RNF152: variants seen among roughly 807,000 people sequenced by gnomAD.
RNF152 encodes E3 ubiquitin-protein ligase RNF152.
A neutral mutation model predicts 12.7 loss-of-function variants in RNF152; 11 were observed. The ratio of observed to expected loss-of-function variants is 0.86; its 90% CI spans 0.54 to 1.43. The LOEUF is 1.43. Among genes scored for constraint, RNF152 ranks in the 40% most tolerant of loss-of-function variants. The probability of loss-of-function intolerance (pLI) is 0.00; values close to 1 mark genes in which losing one functional copy is unlikely to be tolerated. For synonymous variants in RNF152, 113 were observed against 120.3 expected (o/e 0.94, Z 0.40); for missense variants, 255 against 274.8 (o/e 0.93, Z 0.51).
intron 1 of RNF152, among the ~76,000 whole-genome samples, chr18:61,845,466 G>A (rs1178097800): frequency 6.6e-6 from 1 of 152,254 alleles, no homozygotes; most frequent in Non-Finnish European, 1.5e-5. Context: ...CCACCTGGGA[G>A]CTTTTGTGCT....
chr18:61,864,790 C>T (rs1020022911), intron 1 of RNF152, among the ~76,000 whole-genome samples: 6 of 152,272 alleles, frequency 3.9e-5, no homozygotes, highest in Non-Finnish European at 8.8e-5. Context: ...CTCACGCCTG[C>T]CGAGGCAGGT....
chr18:61,871,134 C>T (rs1448346609), intron 1 of RNF152, among the ~76,000 whole-genome samples: 1 of 151,992 alleles, frequency 6.6e-6, no homozygotes, highest in Non-Finnish European at 1.5e-5. Context: ...GTACATGTTA[C>T]CTTCACAAGG....
At chr18:61,836,372 C>T (rs1910184680) in intron 1 of RNF152, among the ~76,000 whole-genome samples, 1 of 152,052 alleles carries the variant, frequency 6.6e-6, no homozygotes, top group South Asian at 2.1e-4. Context: ...ATGTTGAAAC[C>T]CTAATCCCCA....
chr18:61,830,704 G>T (rs1389796978), intron 1 of RNF152, among the ~76,000 whole-genome samples: 1 of 152,178 alleles, frequency 6.6e-6, no homozygotes, highest in Non-Finnish European at 1.5e-5. Context: ...ATGAAGGTAG[G>T]GATGAAGGAG....
chr18:61,842,539 C>T (rs1599285976), intron 1 of RNF152, among the ~76,000 whole-genome samples: 1 of 152,206 alleles, frequency 6.6e-6, no homozygotes, highest in Non-Finnish European at 1.5e-5. Context: ...TCTCTGGCCT[C>T]TCTCTTCCTT....
intron 1 of RNF152, among the ~76,000 whole-genome samples, chr18:61,879,983 T>A (rs1912391420): frequency 6.6e-6 from 1 of 151,346 alleles, no homozygotes; most frequent in South Asian, 2.1e-4. Flanking sequence ...AAAAAAAAAT[T>A]TTTTTTGTGC....
chr18:61,821,655 C>T (rs1909416472), intron 1 of RNF152, among the ~76,000 whole-genome samples: 1 of 152,158 alleles, frequency 6.6e-6, no homozygotes, highest in African/African-American at 2.4e-5. Context: ...AACCCCCAGG[C>T]CACCAACCAG....
chr18:61,887,251 T>C (rs1401497337), intron 1 of RNF152, among the ~76,000 whole-genome samples: 1 of 152,172 alleles, frequency 6.6e-6, no homozygotes, highest in Non-Finnish European at 1.5e-5. Context: ...AAGGATTAAT[T>C]GGCCTAATGG....
At chr18:61,832,679 G>A (rs8093222) in intron 1 of RNF152, among the ~76,000 whole-genome samples, 42,146 of 151,958 alleles carry the variant, frequency 0.28, 6,419 homozygotes, top group Non-Finnish European at 0.35. Flanking sequence ...AAAACAGCCC[G>A]ATTTAACAGG....
intron 1 of RNF152, among the ~76,000 whole-genome samples, chr18:61,846,328 T>C (rs1910743609): frequency 2.0e-5 from 3 of 152,120 alleles, no homozygotes; most frequent in African/African-American, 7.2e-5. Flanking sequence ...AACTCAAAGG[T>C]ACAACAGTCT....
At chr18:61,829,307 G>A (rs1170851897) in intron 1 of RNF152, among the ~76,000 whole-genome samples, 1 of 152,026 alleles carries the variant, frequency 6.6e-6, no homozygotes, top group East Asian at 1.9e-4. Context: ...TGACTAATCA[G>A]CCCGGCCAGA....
chr18:61,831,799 T>A (rs1451323451), intron 1 of RNF152, among the ~76,000 whole-genome samples: 3 of 152,282 alleles, frequency 2.0e-5, no homozygotes, highest in East Asian at 1.9e-4. Flanking sequence ...AAAAGTGTCC[T>A]GTCAAATGGT....
intron 1 of RNF152, among the ~76,000 whole-genome samples, chr18:61,886,788 AG>A: frequency 6.6e-6 from 1 of 152,374 alleles, no homozygotes; most frequent in East Asian, 1.9e-4. Context: ...AGAAAGAAAA[AG>A]ACACTTCAAT....
chr18:61,865,720 T>C lies in RNF152; in HGVS notation c.-136+27075A>G, dbSNP rs182300857. On this transcript the variant is annotated intron_variant, in intron 1 of 1. Coordinates refer to ENST00000312828, the MANE Select transcript of RNF152 (RefSeq NM_173557.3). ...CCTCAGAAAAGAATTTTCTGAACAT[T>C]AGAGTTTAGACATAGAGCCCAATGG... 5.9e-4 allele frequency among the ~76,000 whole-genome samples: 90 copies of C among 152,298 alleles called. 1 individual carries two copies. The East Asian group carries it at 0.015, about 25-fold the overall frequency.
At position 61,814,404 on chromosome 18, in the gene RNF152, T is replaced by C. The variant is rs890754754; in HGVS notation, c.*1448A>G. 7.2e-5 allele frequency: 11 copies of C among 152,228 alleles called. No individual in the cohort carries two copies. Among genetic ancestry groups the C allele is most frequent in the African/African-American group, 2.7e-4 (11 of 41,462 alleles). The allele number at this position is 152,228 out of a possible 1,614,324, so 9.4% of individuals were successfully genotyped here. A position where few individuals can be genotyped will look rare whatever the true frequency, so the allele number is the denominator to read the frequency against. Reference sequence around the variant, plus strand: ...TCCTTGTCACATACCACTTGCTTCATGAATTCCATAAAAGAAGTTAGATGA... The same window carrying C: ...TCCTTGTCACATACCACTTGCTTCACGAATTCCATAAAAGAAGTTAGATGA... On this transcript the variant is annotated 3_prime_UTR_variant, in exon 2 of 2. Transcript: ENST00000312828.
chr18:61,876,667 G>A (rs1912227374), intron 1 of RNF152, among the ~76,000 whole-genome samples: 1 of 152,112 alleles, frequency 6.6e-6, no homozygotes, highest in Admixed American at 6.5e-5. Flanking sequence ...CTTGCTTTGT[G>A]ACCTCAGGAA....
chr18:61,867,570 T>G (rs1390908245), intron 1 of RNF152, among the ~76,000 whole-genome samples: 1 of 152,138 alleles, frequency 6.6e-6, no homozygotes, highest in East Asian at 1.9e-4. Flanking sequence ...GTTGTTTTGT[T>G]TTTTATTTTT....
At chr18:61,875,415 G>T (rs940885049) in intron 1 of RNF152, among the ~76,000 whole-genome samples, 3 of 152,224 alleles carry the variant, frequency 2.0e-5, no homozygotes, top group Non-Finnish European at 4.4e-5. Context: ...GTCAGTGCAT[G>T]CAAGTGTCCT....
chr18:61,833,373 G>T (rs1910038775), intron 1 of RNF152, among the ~76,000 whole-genome samples: 1 of 152,164 alleles, frequency 6.6e-6, no homozygotes, highest in South Asian at 2.1e-4. Flanking sequence ...TTAGAAAGAA[G>T]GTGGAGGTAG....
Sources: allele counts gnomAD v4.1 joint callset (sites outside exome capture counted in the v4.1 genomes callset), GRCh38; gene constraint gnomAD v4.1.1; transcripts MANE v1.5; gene names NCBI Gene and HGNC (gene_info 2026-07-23, HGNC 2026-07-21).